The following DNAI3 variants were observed in gnomAD, a reference collection of about 807,000 sequenced individuals.
DNAI3 encodes the protein WD repeat domain 63.
DNAI3 carries 83 observed loss-of-function variants against 115.5 expected under a neutral mutation model. That is an observed-to-expected ratio of 0.72 (90% confidence interval 0.60 to 0.86). The LOEUF (loss-of-function observed/expected upper bound fraction) is 0.86. DNAI3 is among the 40% of genes least tolerant of loss of function. The pLI is 0.00. For missense variants in DNAI3, 1,004 were observed against 1,075.8 expected (o/e 0.93, Z 0.93); for synonymous variants, 320 against 347.0 (o/e 0.92, Z 0.86).
intron 1 of DNAI3, among the ~76,000 whole-genome samples, chr1:85,069,386 T>C (rs768789861): frequency 7.9e-5 from 12 of 152,092 alleles, no homozygotes; most frequent in Non-Finnish European, 1.6e-4. Context: ...TTTCCTCCTT[T>C]ATTTGTTTAT....
intron 8 of DNAI3, among the ~76,000 whole-genome samples, chr1:85,092,522 T>C (rs567999253): frequency 6.6e-6 from 1 of 152,210 alleles, no homozygotes; most frequent in African/African-American, 2.4e-5. Flanking sequence ...GGGAGGGCTC[T>C]TAGCAACTTT....
In DNAI3 at chr1:85,084,701, AG is replaced by A. The variant is rs1270228530; in HGVS notation, c.540+9del. ...TTACGGAATCTACAAAGCAGGTTAG[AG>A]GGTTATATATGATCTGTAATCATTA... On this transcript the variant is annotated splice_region_variant and intron_variant, in intron 6 of 22. Coordinates refer to ENST00000294664, the MANE Select transcript of DNAI3 (RefSeq NM_145172.5). 2 of 1,490,294 alleles carry A rather than the reference AG, an allele frequency of 1.3e-6. No homozygotes were observed. Among genetic ancestry groups the A allele is most frequent in the African/African-American group, 2.9e-5 (2 of 69,684 alleles). 92.3% of individuals were successfully genotyped at this position (1,490,294 alleles called of 1,614,324 possible).
chr1:85,072,512 C>T (rs1471806599), intron 2 of DNAI3, among the ~76,000 whole-genome samples: 3 of 150,882 alleles, frequency 2.0e-5, no homozygotes, highest in Non-Finnish European at 2.9e-5. Flanking sequence ...CGTGGTGGCA[C>T]GCGCCTGTAA....
At chr1:85,074,968 A>G (rs191814206) in intron 3 of DNAI3, among the ~76,000 whole-genome samples, 2 of 152,312 alleles carry the variant, frequency 1.3e-5, no homozygotes, top group Admixed American at 6.5e-5. Flanking sequence ...ATAGACCACC[A>G]CAGCTACCCT....
In DNAI3 at chr1:85,081,314, G is replaced by A; in HGVS notation, c.184G>A (p.Asp62Asn). Residue 62 changes from aspartate to asparagine, a missense_variant, in exon 4 of 23, where the codon GAT (aspartate) becomes AAT (asparagine). Physicochemically the swap from Asp to Asn is conservative, Grantham distance 23. This residue lies in a region of DNAI3 where 550 missense variants were observed against 568.1 expected (regional missense o/e 0.97). Transcript: ENST00000294664. ...FNCRIDEDVT[D>N]EQPYKLINKE... The stretch of plus-strand genomic sequence containing the variant: ...CTGCCGAATAGATGAAGATGTCACA[G>A]ATGAACAACCTTATAAGCTTATCAA... 6.2e-7 allele frequency: 1 copy of A among 1,604,614 alleles called. No homozygotes were observed. The highest frequency in any genetic ancestry group is 8.5e-7 in the Non-Finnish European group (1 of 1,176,840).
chr1:85,093,965 G>A, intron 9 of DNAI3: 1 of 513,648 alleles, frequency 1.9e-6, no homozygotes, highest in Non-Finnish European at 3.8e-6. Flanking sequence ...CTCTCCCAAG[G>A]CTAAATTTCT....
chr1:85,095,539 A>G (rs911602048), intron 10 of DNAI3, among the ~76,000 whole-genome samples: 1 of 152,212 alleles, frequency 6.6e-6, no homozygotes, highest in Non-Finnish European at 1.5e-5. Flanking sequence ...TGCCTGGCTC[A>G]GTATTCAGCA....
At chr1:85,071,865 T>A in intron 1 of DNAI3, 63 bp from the exon 2 acceptor site, 1 of 1,433,300 alleles carries the variant, frequency 7.0e-7, no homozygotes, top group South Asian at 1.2e-5. Flanking sequence ...ATGTTTAGTA[T>A]TTGAAATTGT....
At chr1:85,097,759 A>G in intron 12 of DNAI3, 104 bp downstream of exon 12, 1 of 1,011,864 alleles carries the variant, frequency 9.9e-7, no homozygotes, top group Non-Finnish European at 1.4e-6. Flanking sequence ...AAGAGAAAAA[A>G]GGAAAAAAAA....
At chr1:85,082,023 C>A (rs140235185) in intron 4 of DNAI3, among the ~76,000 whole-genome samples, 129 of 152,302 alleles carry the variant, frequency 8.5e-4, no homozygotes, top group Non-Finnish European at 1.6e-3. Flanking sequence ...TCTGATTTAT[C>A]TCTATGCATG....
intron 2 of DNAI3, 25 bp downstream of exon 2, chr1:85,072,030 G>T (rs771754858): frequency 1.3e-6 from 2 of 1,597,206 alleles, no homozygotes; most frequent in African/African-American, 2.7e-5. Flanking sequence ...TCATTGAATG[G>T]GATTTTTTGT....
intron 16 of DNAI3, among the ~76,000 whole-genome samples, chr1:85,116,868 G>T (rs1655835629): frequency 6.6e-6 from 1 of 152,132 alleles, no homozygotes; most frequent in Non-Finnish European, 1.5e-5. Context: ...AACAAAGAGA[G>T]TATTGGTTGA....
At chr1:85,088,190 C>T (rs995015739) in intron 7 of DNAI3, among the ~76,000 whole-genome samples, 8 of 151,974 alleles carry the variant, frequency 5.3e-5, no homozygotes, top group African/African-American at 1.9e-4. Flanking sequence ...TTTTATGTTC[C>T]TACTAGGGTA....
At chr1:85,121,901 CTGGTCTTGCTAA>C (rs1656004669) in intron 18 of DNAI3, 87 bp downstream of exon 18, 2 of 1,425,008 alleles carry the variant, frequency 1.4e-6, no homozygotes, top group East Asian at 4.6e-5. Context: ...CAGAGTCACC[CTGGTCTTGCTAA>C]TGGGAGGGAA....
At chr1:85,101,379 T>G (rs1274205023) in intron 13 of DNAI3, among the ~76,000 whole-genome samples, 3 of 152,116 alleles carry the variant, frequency 2.0e-5, no homozygotes, top group Admixed American at 6.6e-5. Flanking sequence ...ATCACTTCCA[T>G]TTCAACACAC....
At chr1:85,070,031 G>C (rs1654218683) in intron 1 of DNAI3, among the ~76,000 whole-genome samples, 1 of 152,166 alleles carries the variant, frequency 6.6e-6, no homozygotes, top group Non-Finnish European at 1.5e-5. Flanking sequence ...GGGAGGCCGA[G>C]GCGGGTGGAT....
intron 13 of DNAI3, among the ~76,000 whole-genome samples, chr1:85,098,914 G>C (rs1400998480): frequency 6.6e-6 from 1 of 152,186 alleles, no homozygotes; most frequent in Non-Finnish European, 1.5e-5. Flanking sequence ...CAATAGTGGA[G>C]AAGATGAGGG....
rs553245651 is a variant in DNAI3, at chr1:85,129,890, C to T, written c.2410-100C>T. ...GATTAGGGAGGTAGATTAGGTAGGT[C>T]GTCTACCTAATTACAAGCAGCAGAA... On this transcript the variant is annotated intron_variant, in intron 21 of 22. Coordinates refer to ENST00000294664, the MANE Select transcript of DNAI3 (RefSeq NM_145172.5). The T allele has an allele frequency of 2.6e-5, 35 of 1,336,892 alleles. No homozygotes were observed. The Admixed American group carries it at 5.5e-4, about 21-fold the overall frequency. 82.8% of individuals were successfully genotyped at this position (1,336,892 alleles called of 1,614,324 possible).
intron 17 of DNAI3, among the ~76,000 whole-genome samples, chr1:85,121,037 T>A (rs1655980095): frequency 6.6e-6 from 1 of 152,218 alleles, no homozygotes. Flanking sequence ...GGAGATCGCA[T>A]GGGGTGATCT....
Sources: allele counts gnomAD v4.1 joint callset (sites outside exome capture counted in the v4.1 genomes callset), GRCh38; gene constraint gnomAD v4.1.1; regional missense constraint gnomAD v4.1.1; transcripts MANE v1.5; gene names NCBI Gene and HGNC (gene_info 2026-07-23, HGNC 2026-07-21).